Variants in CSMD3 observed in about 807,000 individuals in gnomAD.
The protein encoded by CSMD3 is CUB and Sushi multiple domains 3.
In CSMD3, 177 loss-of-function variants were observed where a neutral mutation model predicts 435.2. The observed-to-expected ratio is 0.41, with a 90% CI of 0.36 to 0.46. The LOEUF is 0.46. CSMD3 is among the 20% of genes least tolerant of loss of function. The pLI is 0.34. For missense variants in CSMD3, 4,265 were observed against 4,504.6 expected, an observed-to-expected ratio of 0.95 and a Z score of 1.52; for synonymous variants, 1,656 against 1,520.5, an observed-to-expected ratio of 1.09 and a Z score of -2.07.
chr8:112,419,178 C>G (rs940244597), intron 32 of CSMD3, among the ~76,000 whole-genome samples: 1 of 152,026 alleles, frequency 6.6e-6, no homozygotes, highest in African/African-American at 2.4e-5. Flanking sequence ...TGGTTATTAT[C>G]ATAGTACAAT....
chr8:112,961,694 T>C (rs1373577447), intron 7 of CSMD3, among the ~76,000 whole-genome samples: 1 of 151,954 alleles, frequency 6.6e-6, no homozygotes, highest in Non-Finnish European at 1.5e-5. Flanking sequence ...AAGTTATTGA[T>C]TTTTATTTAG....
chr8:112,808,825 C>G lies in CSMD3; in HGVS notation c.1860-8551G>C, dbSNP rs560951027. 2.0e-5 allele frequency among the ~76,000 whole-genome samples: 3 copies of G among 152,204 alleles called. No homozygotes were observed. The South Asian group carries it at 6.2e-4, about 32-fold the overall frequency. On this transcript the variant is annotated intron_variant, in intron 12 of 70. Transcript: ENST00000297405. Reference sequence around the variant, plus strand: ...CAAGAGAATTTTGAGCGCTAGCCGTCTCTCGGTCGCCAGCAATAAAAGGAC... The same window carrying G: ...CAAGAGAATTTTGAGCGCTAGCCGTGTCTCGGTCGCCAGCAATAAAAGGAC...
chr8:112,341,404 T>C, intron 42 of CSMD3, 73 bp downstream of exon 42: 1 of 988,868 alleles, frequency 1.0e-6, no homozygotes, highest in Non-Finnish European at 1.6e-6. Context: ...CAGAAAATAA[T>C]TAGACTCAGT....
chr8:113,419,582 G>T (rs2094599809), intron 1 of CSMD3, among the ~76,000 whole-genome samples: 2 of 151,870 alleles, frequency 1.3e-5, no homozygotes, highest in Admixed American at 1.3e-4. Flanking sequence ...AGAGTCCTTG[G>T]GTCTGGAGTG....
At chr8:112,454,015 A>G (rs1424285033) in intron 32 of CSMD3, among the ~76,000 whole-genome samples, 1 of 152,168 alleles carries the variant, frequency 6.6e-6, no homozygotes, top group Non-Finnish European at 1.5e-5. Flanking sequence ...TCTCTAATCA[A>G]TAATTGGTGC....
intron 32 of CSMD3, among the ~76,000 whole-genome samples, chr8:112,449,106 G>T (rs1362043340): frequency 6.6e-6 from 1 of 152,100 alleles, no homozygotes; most frequent in Non-Finnish European, 1.5e-5. Flanking sequence ...TACACGATTT[G>T]GGTGAGAATG....
intron 4 of CSMD3, among the ~76,000 whole-genome samples, chr8:113,135,345 T>C (rs762533903): frequency 1.5e-4 from 23 of 151,950 alleles, no homozygotes; most frequent in Admixed American, 3.3e-4. Flanking sequence ...ATTTAAATAA[T>C]GTGTCAGCTC....
At chr8:113,111,495 C>A (rs1338111644) in intron 4 of CSMD3, among the ~76,000 whole-genome samples, 2 of 151,922 alleles carry the variant, frequency 1.3e-5, no homozygotes, top group South Asian at 4.1e-4. Context: ...ATTCACTTTC[C>A]CCCTCCGCCC....
At chr8:112,484,617 T>C (rs1447749999) in intron 31 of CSMD3, among the ~76,000 whole-genome samples, 1 of 152,022 alleles carries the variant, frequency 6.6e-6, no homozygotes, top group Non-Finnish European at 1.5e-5. Context: ...GGGCACATCT[T>C]CGTACAATGA....
intron 61 of CSMD3, among the ~76,000 whole-genome samples, chr8:112,256,439 T>C (rs1358877392): frequency 6.6e-6 from 1 of 152,090 alleles, no homozygotes; most frequent in Admixed American, 6.5e-5. Flanking sequence ...AACAAAATAC[T>C]TAGCCATGAT....
Position 112,909,565 on chromosome 8 carries a change from T to C in CSMD3, c.1633+12062A>G, listed in dbSNP as rs1431060916. ...ACTTTTGACAAACTTTAAAAAAAAT[T>C]CATGCTTCATAAAGGCATATTTGGT... On this transcript the variant is annotated intron_variant, in intron 10 of 70. Coordinates refer to ENST00000297405, the MANE Select transcript of CSMD3 (RefSeq NM_198123.2). Among the ~76,000 whole-genome samples, 3 of 151,814 alleles carry C rather than the reference T, an allele frequency of 2.0e-5. No homozygotes were observed. The East Asian group carries it at 5.8e-4, about 30-fold the overall frequency.
intron 1 of CSMD3, among the ~76,000 whole-genome samples, chr8:113,409,435 A>ATTTATTT (rs1333861176): frequency 7.9e-5 from 12 of 151,700 alleles, no homozygotes; most frequent in Admixed American, 5.3e-4. Flanking sequence ...ATCTCTTTTC[A>ATTTATTT]CTTTAGGCAT....
intron 22 of CSMD3, among the ~76,000 whole-genome samples, chr8:112,622,994 C>T (rs1398369524): frequency 1.3e-5 from 2 of 152,064 alleles, no homozygotes; most frequent in Admixed American, 1.3e-4. Context: ...GTTTTTCTAT[C>T]TGAGTCCATA....
intron 12 of CSMD3, among the ~76,000 whole-genome samples, chr8:112,801,029 A>G (rs938567526): frequency 1.3e-5 from 2 of 152,040 alleles, no homozygotes; most frequent in African/African-American, 4.8e-5. Context: ...GTTGCGGGGA[A>G]GTCCATCAAG....
rs917329902 is a variant in CSMD3, at chr8:112,690,590, C to A, written c.1973-540G>T. On this transcript the variant is annotated intron_variant, in intron 13 of 70. Transcript: ENST00000297405. ...GTTGAATTATTTTCCCAACTAGACC[C>A]CCCCCCCCAACAAAAAAAAAATCTT... Among the ~76,000 whole-genome samples the A allele has an allele frequency of 1.6e-3, 228 of 144,152 alleles. 1 individual carries two copies. Among genetic ancestry groups the A allele is most frequent in the African/African-American group, 5.3e-3 (206 of 38,776 alleles). 94.6% of individuals were successfully genotyped at this position (144,152 alleles called of 152,430 possible). A position where few individuals can be genotyped will look rare whatever the true frequency, so the allele number is the denominator to read the frequency against.
intron 10 of CSMD3, among the ~76,000 whole-genome samples, chr8:112,889,291 C>T (rs1362527748): frequency 1.3e-5 from 2 of 151,654 alleles, no homozygotes; most frequent in Non-Finnish European, 3.0e-5. Flanking sequence ...CTGTGCCATT[C>T]ATTGCCTCTG....
intron 2 of CSMD3, among the ~76,000 whole-genome samples, chr8:113,291,844 A>T (rs747151630): frequency 1.3e-5 from 2 of 151,934 alleles, no homozygotes; most frequent in Non-Finnish European, 2.9e-5. Context: ...ATCAATAGAC[A>T]AATGTCAATG....
chr8:112,693,052 C>A (rs2076173130), intron 13 of CSMD3, among the ~76,000 whole-genome samples: 1 of 151,816 alleles, frequency 6.6e-6, no homozygotes, highest in Admixed American at 6.6e-5. Context: ...TGAATCATAT[C>A]CTTATGAACA....
At chr8:113,275,340 C>A (rs1476675531) in intron 3 of CSMD3, among the ~76,000 whole-genome samples, 1 of 152,040 alleles carries the variant, frequency 6.6e-6, no homozygotes, top group African/African-American at 2.4e-5. Context: ...GTTTAGTCCT[C>A]TTTCCAGGGA....
Sources: allele counts gnomAD v4.1 joint callset (sites outside exome capture counted in the v4.1 genomes callset), GRCh38; gene constraint gnomAD v4.1.1; transcripts MANE v1.5; gene names NCBI Gene and HGNC (gene_info 2026-07-23, HGNC 2026-07-21).